The following CADPS variants were observed in gnomAD, a reference collection of about 807,000 sequenced individuals.
CADPS encodes the protein calcium-dependent secretion activator 1.
A neutral mutation model predicts 167.3 loss-of-function variants in CADPS; 57 were observed. That is an observed-to-expected ratio of 0.34 (90% CI 0.28 to 0.42). CADPS has a LOEUF of 0.42. Ranked by LOEUF, CADPS falls within the 20% of genes least tolerant of loss-of-function variation. CADPS has a pLI of 1.00. For synonymous variants in CADPS, 676 were observed against 635.3 expected (o/e 1.06, Z -0.96); for missense variants, 1,414 against 1,738.1 (o/e 0.81, Z 3.32).
intron 4 of CADPS, among the ~76,000 whole-genome samples, chr3:62,655,994 G>A (rs1044435052): frequency 3.3e-5 from 5 of 152,070 alleles, no homozygotes; most frequent in South Asian, 2.1e-4. Flanking sequence ...ACAGTGAAAC[G>A]GACTCGACCC....
intron 12 of CADPS, among the ~76,000 whole-genome samples, chr3:62,534,695 G>T (rs931993226): frequency 6.6e-6 from 1 of 152,228 alleles, no homozygotes; most frequent in African/African-American, 2.4e-5. Flanking sequence ...TATCCCTGCT[G>T]GTCGGTCTCC....
At chr3:62,577,314 C>T (rs2082480298) in intron 8 of CADPS, among the ~76,000 whole-genome samples, 1 of 152,214 alleles carries the variant, frequency 6.6e-6, no homozygotes, top group South Asian at 2.1e-4. Flanking sequence ...TTCAAGTATA[C>T]AATGTATTGT....
At chr3:62,413,890 A>T (rs2049484077) in intron 28 of CADPS, among the ~76,000 whole-genome samples, 1 of 67,480 alleles carries the variant, frequency 1.5e-5, no homozygotes, top group Admixed American at 1.7e-4. Flanking sequence ...AACATACTTT[A>T]AAAAAAAAAA....
chr3:62,699,298 A>T (rs1289877271), intron 3 of CADPS, among the ~76,000 whole-genome samples: 1 of 151,798 alleles, frequency 6.6e-6, no homozygotes, highest in African/African-American at 2.4e-5. Flanking sequence ...CAGTCTCCCA[A>T]AGTGCTGGGA....
chr3:62,685,752 A>G (rs1323278906), intron 3 of CADPS, among the ~76,000 whole-genome samples: 1 of 151,846 alleles, frequency 6.6e-6, no homozygotes. Context: ...ATCATCAGGC[A>G]TTAGATTCTC....
At chr3:62,863,817 G>A (rs2081233267) in intron 1 of CADPS, among the ~76,000 whole-genome samples, 1 of 152,158 alleles carries the variant, frequency 6.6e-6, no homozygotes, top group Admixed American at 6.5e-5. Flanking sequence ...AAGATGAGTT[G>A]CACATTTGTG....
At chr3:62,851,204 T>C (rs1191387002) in intron 1 of CADPS, among the ~76,000 whole-genome samples, 30 of 141,864 alleles carry the variant, frequency 2.1e-4, no homozygotes, top group Non-Finnish European at 3.4e-4. Flanking sequence ...ATACAGCACA[T>C]TGATGGGTCT....
chr3:62,650,049 C>T (rs1193768382), intron 5 of CADPS, among the ~76,000 whole-genome samples: 1 of 152,168 alleles, frequency 6.6e-6, no homozygotes, highest in Admixed American at 6.5e-5. Flanking sequence ...TATTTACAGT[C>T]AAATCTTTGT....
chr3:62,687,740 T>C (rs1380070280), intron 3 of CADPS, among the ~76,000 whole-genome samples: 1 of 150,932 alleles, frequency 6.6e-6, no homozygotes, highest in Non-Finnish European at 1.5e-5. Flanking sequence ...TCGCATTTTT[T>C]TTTTTTTTTT....
At chr3:62,775,204 A>G (rs570864014) in intron 1 of CADPS, among the ~76,000 whole-genome samples, 1 of 44,876 alleles carries the variant, frequency 2.2e-5, no homozygotes, top group East Asian at 1.1e-3. Flanking sequence ...AGCCCAGCCA[A>G]TTTTTGTATT....
chr3:62,509,869 G>T (rs2067405314), intron 17 of CADPS, among the ~76,000 whole-genome samples: 1 of 152,148 alleles, frequency 6.6e-6, no homozygotes, highest in African/African-American at 2.4e-5. Context: ...ATGGTAGAAA[G>T]AGACAAAAAT....
At position 62,602,904 on chromosome 3, in the gene CADPS, A is replaced by G. The variant is rs2060176357; in HGVS notation, c.1326-10156T>C. On this transcript the variant is annotated intron_variant, in intron 6 of 29. Coordinates refer to ENST00000383710, the MANE Select transcript of CADPS (RefSeq NM_003716.4). The surrounding 1 kb of genome is among the most constrained non-coding windows in gnomAD (Gnocchi z 4.4). Reference sequence around the variant, plus strand: ...ATTCTTATTTGCCTCTCTTTGCCACATGTCCGTCTTGTCACCGGATCTTTC... The same window carrying G: ...ATTCTTATTTGCCTCTCTTTGCCACGTGTCCGTCTTGTCACCGGATCTTTC... Among the ~76,000 whole-genome samples the G allele has an allele frequency of 1.3e-5, 2 of 152,158 alleles. No individual in the cohort carries two copies. Among genetic ancestry groups the G allele is most frequent in the Admixed American group, 1.3e-4 (2 of 15,266 alleles).
intron 1 of CADPS, among the ~76,000 whole-genome samples, chr3:62,767,691 A>T (rs1381246307): frequency 1.3e-5 from 2 of 152,270 alleles, no homozygotes; most frequent in Admixed American, 6.5e-5. Context: ...TCAAGGGTAG[A>T]TTAAAAGGGG....
chr3:62,823,474 G>T (rs190205680), intron 1 of CADPS, among the ~76,000 whole-genome samples: 1 of 152,046 alleles, frequency 6.6e-6, no homozygotes, highest in African/African-American at 2.4e-5. Flanking sequence ...AATGCAGTAC[G>T]ATTTTTAAAT....
At chr3:62,516,024 T>C (rs766662206) in intron 16 of CADPS, 35 bp downstream of exon 16, 2 of 1,611,406 alleles carry the variant, frequency 1.2e-6, no homozygotes, top group South Asian at 2.2e-5. Context: ...ATATCAAAAT[T>C]TAAATTCAAA....
intron 4 of CADPS, among the ~76,000 whole-genome samples, chr3:62,657,643 C>A (rs749461976): frequency 1.3e-5 from 2 of 152,144 alleles, no homozygotes; most frequent in Non-Finnish European, 2.9e-5. Flanking sequence ...CTTTCTGGAA[C>A]TTTTAAGGCA....
intron 1 of CADPS, among the ~76,000 whole-genome samples, chr3:62,821,793 A>G (rs1241790722): frequency 6.6e-6 from 1 of 152,172 alleles, no homozygotes; most frequent in African/African-American, 2.4e-5. Context: ...TTTTTGCTGG[A>G]CACAATTCAA....
At chr3:62,769,391 C>G (rs1328850116) in intron 1 of CADPS, among the ~76,000 whole-genome samples, 1 of 151,880 alleles carries the variant, frequency 6.6e-6, no homozygotes, top group East Asian at 1.9e-4. Context: ...GCCTCTACAG[C>G]TGGCTAATTT....
intron 9 of CADPS, among the ~76,000 whole-genome samples, chr3:62,564,170 T>G (rs1194065001): frequency 6.6e-6 from 1 of 151,986 alleles, no homozygotes; most frequent in Non-Finnish European, 1.5e-5. Flanking sequence ...CTTGCCTAAT[T>G]TTTTGTATTT....
Sources: gnomAD v4.1 joint callset for allele counts (sites outside exome capture counted in the v4.1 genomes callset) on GRCh38, gnomAD v4.1.1 for gene constraint, Gnocchi (gnomAD v3.1) non-coding constraint, MANE v1.5 for transcripts, NCBI Gene and HGNC (gene_info 2026-07-23, HGNC 2026-07-21) for gene names.